The following CACNA2D3 variants were observed in gnomAD, a reference collection of about 807,000 sequenced individuals.
The protein encoded by CACNA2D3 is calcium voltage-gated channel auxiliary subunit alpha2delta 3, also known as voltage-dependent calcium channel subunit alpha-2/delta-3.
In CACNA2D3, 60 loss-of-function variants were observed where a neutral mutation model predicts 160.6. The ratio of observed to expected loss-of-function variants is 0.37; its 90% CI spans 0.30 to 0.46. The LOEUF (loss-of-function observed/expected upper bound fraction) is 0.46, where lower values mean the gene tolerates loss of function less well. Ranked by LOEUF, CACNA2D3 falls within the 20% of genes least tolerant of loss-of-function variation. CACNA2D3 has a pLI of 1.00. For synonymous variants in CACNA2D3, 558 were observed against 492.9 expected (o/e 1.13, Z -1.75); for missense variants, 1,205 against 1,365.0 (o/e 0.88, Z 1.85).
At chr3:54,287,915 G>A (rs565167969) in intron 2 of CACNA2D3, among the ~76,000 whole-genome samples, 145 of 148,812 alleles carry the variant, frequency 9.7e-4, no homozygotes, top group Middle Eastern at 3.4e-3. Context: ...TCTCTGGGAC[G>A]CATTCAGAGC....
intron 9 of CACNA2D3, among the ~76,000 whole-genome samples, chr3:54,622,798 G>T (rs1249932165): frequency 6.6e-6 from 1 of 152,160 alleles, no homozygotes; most frequent in Non-Finnish European, 1.5e-5. Flanking sequence ...GGGTGTACAT[G>T]GTTAGGATTG....
chr3:54,987,740 G>T lies in CACNA2D3; in HGVS notation c.2677G>T (p.Gly893Cys). ...TGTGATGAACAAATTGCTAACAATG[G>T]GCTCCTTTAAAAGGTAAGGGTTTTA... ...GAVMNKLLTM[G>C]SFKRITLYDY... The change falls in exon 31 of 38, where the codon GGC becomes TGC. Residue 893 changes from glycine (G) to cysteine (C), a missense_variant. Around this residue, in one of 3 missense-constraint regions of CACNA2D3, gnomAD observed 911 missense variants for 1,002.2 expected, o/e 0.91. Coordinates refer to ENST00000474759, the MANE Select transcript of CACNA2D3 (RefSeq NM_018398.3). The T allele has an allele frequency of 6.2e-7, 1 of 1,608,734 alleles. No individual in the cohort carries two copies. Among genetic ancestry groups the T allele is most frequent in the South Asian group, 1.1e-5 (1 of 90,020 alleles).
intron 13 of CACNA2D3, among the ~76,000 whole-genome samples, chr3:54,810,352 C>A (rs1389499528): frequency 6.6e-6 from 1 of 152,190 alleles, no homozygotes; most frequent in Non-Finnish European, 1.5e-5. Flanking sequence ...GTGAGACAAC[C>A]TGCACTGCCA....
rs1380932828 is a variant in CACNA2D3, at chr3:54,575,395, T to C, written c.888+5291T>C. 2.0e-5 allele frequency among the ~76,000 whole-genome samples: 3 copies of C among 152,234 alleles called. 1 individual carries two copies. The highest frequency in any genetic ancestry group is 4.1e-4 in the South Asian group (2 of 4,832). ...TTTTTGAAGGGGGTAGAGATTCTTA[T>C]CTTATTTTTTGTTTCTGTGCCAATT... On this transcript the variant is annotated intron_variant, in intron 8 of 37. Coordinates refer to ENST00000474759, the MANE Select transcript of CACNA2D3 (RefSeq NM_018398.3).
At chr3:54,569,599 G>T (rs145217997) in intron 6 of CACNA2D3, among the ~76,000 whole-genome samples, 196 bp from the exon 7 acceptor site, 3 of 152,198 alleles carry the variant, frequency 2.0e-5, no homozygotes, top group African/African-American at 7.2e-5. Context: ...CTGAGCTAGC[G>T]CTGTGTTTGC....
At chr3:54,160,920 A>G (rs1265885450) in intron 2 of CACNA2D3, among the ~76,000 whole-genome samples, 2 of 152,240 alleles carry the variant, frequency 1.3e-5, no homozygotes, top group Non-Finnish European at 2.9e-5. Context: ...GGATTGGATG[A>G]GACCATTTTG....
chr3:55,033,828 T>TTTATGTAGTATATATTACATATTA (rs59492761), intron 35 of CACNA2D3, among the ~76,000 whole-genome samples: 1 of 57,010 alleles, frequency 1.8e-5, no homozygotes, highest in Non-Finnish European at 3.3e-5. Flanking sequence ...TAAATATATT[T>TTTATGTAGTATATATTACATATTA]AATATATAAT....
intron 2 of CACNA2D3, among the ~76,000 whole-genome samples, chr3:54,310,902 T>C (rs2107499192): frequency 6.6e-6 from 1 of 152,310 alleles, no homozygotes; most frequent in Non-Finnish European, 1.5e-5. Context: ...TGGAGGCTGA[T>C]CAACTTGTTA....
chr3:54,502,325 C>CT (rs1173851116), intron 4 of CACNA2D3, among the ~76,000 whole-genome samples: 8 of 152,140 alleles, frequency 5.3e-5, no homozygotes, highest in African/African-American at 1.7e-4. Context: ...ATTTTCTCTT[C>CT]TTTTTGCATT....
chr3:54,554,571 C>G (rs1022739516), intron 5 of CACNA2D3, among the ~76,000 whole-genome samples: 1 of 152,072 alleles, frequency 6.6e-6, no homozygotes, highest in African/African-American at 2.4e-5. Flanking sequence ...TGTATGCAGT[C>G]CTCCCACCAC....
At chr3:54,845,069 A>G (rs1335535736) in intron 16 of CACNA2D3, among the ~76,000 whole-genome samples, 3 of 152,334 alleles carry the variant, frequency 2.0e-5, no homozygotes, top group African/African-American at 7.2e-5. Context: ...AAAGGATAGG[A>G]AATCTCTGGT....
chr3:54,427,891 G>A (rs1699931828), intron 4 of CACNA2D3, among the ~76,000 whole-genome samples: 1 of 152,208 alleles, frequency 6.6e-6, no homozygotes, highest in Admixed American at 6.5e-5. Context: ...CATTGTGGCA[G>A]CAAGGAGCTT....
chr3:54,972,353 A>G (rs901902504), intron 29 of CACNA2D3, among the ~76,000 whole-genome samples: 41 of 152,184 alleles, frequency 2.7e-4, no homozygotes, highest in Admixed American at 1.5e-3. Flanking sequence ...CAGGCAACCA[A>G]TTGACACTGT....
At chr3:54,371,465 T>C (rs914014419) in intron 3 of CACNA2D3, among the ~76,000 whole-genome samples, 2 of 152,214 alleles carry the variant, frequency 1.3e-5, no homozygotes, top group African/African-American at 2.4e-5. Context: ...TTACATATAA[T>C]ACAATTTGCT....
At chr3:54,647,499 T>A (rs1160280417) in intron 11 of CACNA2D3, among the ~76,000 whole-genome samples, 1 of 152,190 alleles carries the variant, frequency 6.6e-6, no homozygotes, top group Non-Finnish European at 1.5e-5. Context: ...TCAGTTCTCC[T>A]CTCCATGGGC....
chr3:54,233,856 G>A (rs1050119571), intron 2 of CACNA2D3, among the ~76,000 whole-genome samples: 11 of 152,248 alleles, frequency 7.2e-5, no homozygotes, highest in African/African-American at 2.4e-4. Context: ...TTATCTAGAA[G>A]ACAGAGGATA....
At chr3:54,548,687 G>C (rs71301892) in intron 5 of CACNA2D3, among the ~76,000 whole-genome samples, 7,575 of 152,208 alleles carry the variant, frequency 0.05, 276 homozygotes, top group Non-Finnish European at 0.07. Context: ...CCTGATCCAG[G>C]GACCGTCTCC....
intron 5 of CACNA2D3, among the ~76,000 whole-genome samples, chr3:54,505,422 A>G (rs907018933): frequency 3.3e-5 from 5 of 152,122 alleles, no homozygotes; most frequent in Admixed American, 6.5e-5. Context: ...ATGTGAATCT[A>G]AACAAATCCT....
intron 11 of CACNA2D3, among the ~76,000 whole-genome samples, chr3:54,661,122 A>G (rs1359579530): frequency 2.0e-5 from 3 of 152,132 alleles, no homozygotes; most frequent in Non-Finnish European, 1.5e-5. Context: ...AATGGCCAGG[A>G]AGGCTTCTGA....
Sources: gnomAD v4.1 joint callset for allele counts (sites outside exome capture counted in the v4.1 genomes callset) on GRCh38, gnomAD v4.1.1 for gene constraint, gnomAD v4.1.1 regional missense constraint, MANE v1.5 for transcripts, NCBI Gene and HGNC (gene_info 2026-07-23, HGNC 2026-07-21) for gene names.